The following PRR16 variants were observed in gnomAD, a reference collection of about 807,000 sequenced individuals.
PRR16 encodes the protein protein Largen.
A neutral mutation model predicts 18.2 loss-of-function variants in PRR16; 6 were observed. That is an observed-to-expected ratio of 0.33 (90% CI 0.18 to 0.65). The LOEUF is 0.65. PRR16 is among the 30% of genes least tolerant of loss of function. PRR16 has a pLI of 0.74. For missense variants in PRR16, 412 were observed against 376.6 expected, an observed-to-expected ratio of 1.09 and a Z score of -0.78; for synonymous variants, 151 against 147.8, an observed-to-expected ratio of 1.02 and a Z score of -0.16.
In PRR16 at chr5:120,488,661, T is replaced by G. The variant is rs1749906871; in HGVS notation, c.159+24016T>G. Among the ~76,000 whole-genome samples the G allele has an allele frequency of 2.0e-5, 3 of 152,172 alleles. No individual in the cohort carries two copies. In the South Asian group the frequency reaches 6.2e-4, roughly 31 times the overall value. On this transcript the variant is annotated intron_variant, in intron 1 of 1. Coordinates refer to ENST00000407149, the MANE Select transcript of PRR16 (RefSeq NM_001300783.2). ...GTCTCTATTTCCTTCAGTTCTGCTC[T>G]GATTTTAGTTATTTCTTGCCTTCTG...
chr5:120,576,735 C>T (rs560955788), intron 1 of PRR16, among the ~76,000 whole-genome samples: 1 of 152,042 alleles, frequency 6.6e-6, no homozygotes, highest in Non-Finnish European at 1.5e-5. Flanking sequence ...AGTTTCTAGC[C>T]TCCTGGCTTT....
intron 1 of PRR16, among the ~76,000 whole-genome samples, chr5:120,642,595 C>A (rs1755459846): frequency 6.6e-6 from 1 of 152,116 alleles, no homozygotes; most frequent in Non-Finnish European, 1.5e-5. Context: ...CTACACTCTG[C>A]ATGTTTACAA....
chr5:120,791,810 A>T, the PRR16 span, among the ~76,000 whole-genome samples: 1 of 152,164 alleles, frequency 6.6e-6, no homozygotes, highest in Non-Finnish European at 1.5e-5. Context: ...CTATGATATA[A>T]AATCAAACTC....
intron 1 of PRR16, among the ~76,000 whole-genome samples, chr5:120,524,339 T>C (rs1468127840): frequency 2.0e-5 from 3 of 152,210 alleles, no homozygotes; most frequent in African/African-American, 7.2e-5. Flanking sequence ...ATCACGCCTT[T>C]CTTTTTAATT....
intron 1 of PRR16, among the ~76,000 whole-genome samples, chr5:120,677,901 C>CTTT (rs1756850413): frequency 1.3e-5 from 1 of 75,904 alleles, no homozygotes; most frequent in African/African-American, 4.6e-5. Context: ...TTTTCTTTTT[C>CTTT]TTTCTTTTTT....
chr5:120,619,705 G>C (rs1421985136), intron 1 of PRR16, among the ~76,000 whole-genome samples: 1 of 151,966 alleles, frequency 6.6e-6, no homozygotes. Context: ...GCAGTTGTTT[G>C]ATATCTTTAT....
chr5:120,474,283 T>G (rs1423265274), intron 1 of PRR16, among the ~76,000 whole-genome samples: 1 of 152,114 alleles, frequency 6.6e-6, no homozygotes, highest in Non-Finnish European at 1.5e-5. Flanking sequence ...GAGTGGATAA[T>G]TCTTTGTTGG....
At chr5:120,708,212 C>A in the PRR16 span, among the ~76,000 whole-genome samples, 1 of 152,166 alleles carries the variant, frequency 6.6e-6, no homozygotes, top group East Asian at 1.9e-4. Context: ...TGGGAATTCC[C>A]AGTCATGTAT....
At chr5:120,514,112 T>C (rs1265640011) in intron 1 of PRR16, among the ~76,000 whole-genome samples, 1 of 152,178 alleles carries the variant, frequency 6.6e-6, no homozygotes, top group Non-Finnish European at 1.5e-5. Flanking sequence ...GTTTCACATA[T>C]ATTAGGTGCC....
chr5:120,486,650 A>T (rs919276489), intron 1 of PRR16, among the ~76,000 whole-genome samples: 1 of 152,246 alleles, frequency 6.6e-6, no homozygotes, highest in African/African-American at 2.4e-5. Context: ...CTTTAGTTTA[A>T]TTAGATCCCA....
the PRR16 span, among the ~76,000 whole-genome samples, chr5:120,774,243 TAA>T: frequency 6.6e-6 from 1 of 152,166 alleles, no homozygotes; most frequent in African/African-American, 2.4e-5. Context: ...GGAGAAGGGA[TAA>T]GTTTCACTTA....
intron 1 of PRR16, among the ~76,000 whole-genome samples, chr5:120,560,585 G>A (rs188082153): frequency 2.0e-3 from 309 of 152,066 alleles, no homozygotes; most frequent in Non-Finnish European, 3.7e-3. Context: ...AGATATATTG[G>A]CCAGTAGTTT....
At chr5:120,608,368 T>C (rs1754225135) in intron 1 of PRR16, among the ~76,000 whole-genome samples, 2 of 152,184 alleles carry the variant, frequency 1.3e-5, no homozygotes, top group South Asian at 2.1e-4. Flanking sequence ...CCTGAGCTCT[T>C]CCTATGTAGG....
At chr5:120,586,827 A>T (rs774044470) in intron 1 of PRR16, among the ~76,000 whole-genome samples, 10 of 152,170 alleles carry the variant, frequency 6.6e-5, no homozygotes, top group Non-Finnish European at 1.3e-4. Context: ...GAAGAGTCCC[A>T]CATCTCTCCT....
the PRR16 span, among the ~76,000 whole-genome samples, chr5:120,739,070 T>G: frequency 6.6e-6 from 1 of 152,018 alleles, no homozygotes; most frequent in East Asian, 1.9e-4. Context: ...AAATGTAAAT[T>G]GAAATAAATA....
At chr5:120,665,597 C>G (rs867531122) in intron 1 of PRR16, among the ~76,000 whole-genome samples, 1 of 152,208 alleles carries the variant, frequency 6.6e-6, no homozygotes, top group Middle Eastern at 3.4e-3. Context: ...TTAGGTCTAA[C>G]ATGTAAGTCT....
At chr5:120,550,068 T>C (rs948632633) in intron 1 of PRR16, among the ~76,000 whole-genome samples, 6 of 152,002 alleles carry the variant, frequency 3.9e-5, no homozygotes, top group African/African-American at 1.2e-4. Context: ...GATTAGTATA[T>C]GCTAAACAGA....
chr5:120,696,571 A>C, the PRR16 span, among the ~76,000 whole-genome samples: 3 of 152,216 alleles, frequency 2.0e-5, no homozygotes, highest in African/African-American at 7.2e-5. Flanking sequence ...AACCACATGC[A>C]CAGAAATGTA....
intron 1 of PRR16, among the ~76,000 whole-genome samples, chr5:120,651,401 C>T (rs1249592981): frequency 6.6e-6 from 1 of 152,116 alleles, no homozygotes; most frequent in Non-Finnish European, 1.5e-5. Context: ...GAAGTCCTTG[C>T]CCATGCCTAT....
Sources: gnomAD v4.1 joint callset for allele counts (sites outside exome capture counted in the v4.1 genomes callset) on GRCh38, gnomAD v4.1.1 for gene constraint, MANE v1.5 for transcripts, NCBI Gene and HGNC (gene_info 2026-07-23, HGNC 2026-07-21) for gene names.